Variants in MAPK6 observed in about 807,000 individuals in gnomAD.
The protein encoded by MAPK6 is ERK-3.
In MAPK6, 19 loss-of-function variants were observed where a neutral mutation model predicts 59.3. The ratio of observed to expected loss-of-function variants is 0.32; its 90% CI spans 0.22 to 0.47. MAPK6 has a LOEUF of 0.47. MAPK6 is among the 20% of genes least tolerant of loss of function. The pLI, the probability that MAPK6 is intolerant of heterozygous loss-of-function variation, is 1.00. For missense variants in MAPK6, 724 were observed against 847.9 expected, an observed-to-expected ratio of 0.85 and a Z score of 1.81; for synonymous variants, 316 against 290.3, an observed-to-expected ratio of 1.09 and a Z score of -0.90.
intron 3 of MAPK6, among the ~76,000 whole-genome samples, chr15:52,055,659 G>A (rs917720994): frequency 2.6e-5 from 4 of 152,046 alleles, no homozygotes; most frequent in Non-Finnish European, 4.4e-5. Context: ...GGGACTATAG[G>A]TGCATGCCTC....
At position 52,046,418 on chromosome 15, in the gene MAPK6, C is replaced by T. The variant is rs373321122; in HGVS notation, c.-43C>T. 3.5e-5 allele frequency: 50 copies of T among 1,437,280 alleles called. No individual in the cohort carries two copies. The African/African-American group carries it at 5.6e-4, about 16-fold the overall frequency. 89.0% of individuals were successfully genotyped at this position (1,437,280 alleles called of 1,614,324 possible). A position where few individuals can be genotyped will look rare whatever the true frequency, so the allele number is the denominator to read the frequency against. Reference sequence around the variant, plus strand: ...ATGCCAGTTTTCTTCCTTGTTTACACAAGTTCAATTTGAAAGGAAAAGGCA... The same window carrying T: ...ATGCCAGTTTTCTTCCTTGTTTACATAAGTTCAATTTGAAAGGAAAAGGCA... On this transcript the variant is annotated 5_prime_UTR_variant, in exon 2 of 6. Transcript: ENST00000261845.
At chr15:52,033,984 C>G (rs917703524) in intron 1 of MAPK6, 2 of 151,304 alleles carry the variant, frequency 1.3e-5, no homozygotes, top group Non-Finnish European at 2.9e-5. Flanking sequence ...TTCTTTTTTT[C>G]CTGGTTGCTT....
At chr15:52,039,338 C>T (rs749974606) in intron 1 of MAPK6, among the ~76,000 whole-genome samples, 3 of 152,072 alleles carry the variant, frequency 2.0e-5, no homozygotes, top group Non-Finnish European at 4.4e-5. Flanking sequence ...GTCATCCATA[C>T]TGGAAAATAA....
intron 1 of MAPK6, among the ~76,000 whole-genome samples, chr15:52,027,002 A>C (rs1305641153): frequency 6.6e-6 from 1 of 150,570 alleles, no homozygotes; most frequent in Non-Finnish European, 1.5e-5. Context: ...GTGAGCCGAG[A>C]TCACACCATT....
chr15:51,995,241 G>A (rs778280404), intron 2 of MAPK6, among the ~76,000 whole-genome samples: 2 of 152,124 alleles, frequency 1.3e-5, no homozygotes, highest in East Asian at 1.9e-4. Flanking sequence ...GAGCTACAGC[G>A]ACCCTTGGGC....
At chr15:51,994,468 A>G (rs1013468467) in intron 2 of MAPK6, among the ~76,000 whole-genome samples, 1 of 152,170 alleles carries the variant, frequency 6.6e-6, no homozygotes, top group Non-Finnish European at 1.5e-5. Context: ...CTGAGGTTTC[A>G]TCATGATTAT....
intron 1 of MAPK6, among the ~76,000 whole-genome samples, chr15:51,981,908 C>T (rs369307918): frequency 6.0e-5 from 9 of 150,926 alleles, no homozygotes; most frequent in East Asian, 3.9e-4. Flanking sequence ...AAAGAAAGGA[C>T]GGAAAAAAAT....
intron 1 of MAPK6, among the ~76,000 whole-genome samples, chr15:52,040,383 G>T (rs570257670): frequency 5.9e-5 from 9 of 152,334 alleles, no homozygotes; most frequent in Non-Finnish European, 7.3e-5. Flanking sequence ...GTGGAGAGGG[G>T]ATGGGGGAAG....
intron 1 of MAPK6, 98 bp downstream of exon 1, chr15:52,019,474 G>C (rs2030411498): frequency 6.8e-6 from 1 of 147,594 alleles, no homozygotes; most frequent in East Asian, 2.0e-4. Flanking sequence ...GGCGACGGCG[G>C]AGCCGGCTCC....
At position 52,061,451 on chromosome 15, in the gene MAPK6, G is replaced by A. The variant is rs1225886999; in HGVS notation, c.1018G>A (p.Asp340Asn). ...HPFHIEDEVD[D>N]ILLMDETHSH... Reference sequence around the variant, plus strand: ...TTTTCATATTGAAGATGAAGTTGATGATATTTTGCTTATGGATGAAACTCA... The same window carrying A: ...TTTTCATATTGAAGATGAAGTTGATAATATTTTGCTTATGGATGAAACTCA... Residue 340 changes from aspartate (D) to asparagine (N), a missense_variant, in exon 5 of 6, where the codon GAT (aspartate) becomes AAT (asparagine). Around this residue, in one of 4 missense-constraint regions of MAPK6, gnomAD observed 502 missense variants for 507.6 expected, o/e 0.99. Coordinates refer to ENST00000261845, the MANE Select transcript of MAPK6 (RefSeq NM_002748.4). 6.2e-7 allele frequency: 1 copy of A among 1,613,772 alleles called. No individual in the cohort carries two copies. Among genetic ancestry groups the A allele is most frequent in the Non-Finnish European group, 8.5e-7 (1 of 1,179,802 alleles).
At position 52,046,904 on chromosome 15, in the gene MAPK6, A is replaced by G; in HGVS notation, c.444A>G (p.Val148=). The G allele has an allele frequency of 1.2e-6, 2 of 1,614,012 alleles. No individual in the cohort carries two copies. The highest frequency in any genetic ancestry group is 1.7e-6 in the Non-Finnish European group (2 of 1,179,986). ...TCAAGTATATTCACTCTGCAAATGT[A>G]CTGCACAGAGATCTCAAACCAGCTA... ...RGLKYIHSAN[V]LHRDLKPANL... The change falls in exon 2 of 6, where the codon GTA becomes GTG. Residue 148 remains valine (V), a synonymous_variant. Transcript: ENST00000261845.
chr15:52,040,556 A>G (rs879474425), intron 1 of MAPK6, among the ~76,000 whole-genome samples: 35 of 152,360 alleles, frequency 2.3e-4, no homozygotes, highest in Admixed American at 1.8e-3. Flanking sequence ...CCTTTTTGAC[A>G]TAAGTAGGCC....
At position 52,066,898 on chromosome 15, in the gene MAPK6, A is replaced by G. The variant is rs533287224; in HGVS notation, c.*1898A>G. On this transcript the variant is annotated 3_prime_UTR_variant, in exon 6 of 6. Transcript: ENST00000261845. ...CAAGCTCTGAAGTGCAGTCATGAGAATTGATTTGTGGGGAAAAAAAAAATG... is the reference window on the plus strand; with the variant it reads ...CAAGCTCTGAAGTGCAGTCATGAGAGTTGATTTGTGGGGAAAAAAAAAATG... 4.6e-5 allele frequency: 7 copies of G among 152,142 alleles called. No individual in the cohort carries two copies. The highest frequency in any genetic ancestry group is 1.7e-4 in the African/African-American group (7 of 41,516). The allele number at this position is 152,142 out of a possible 1,614,324, so 9.4% of individuals were successfully genotyped here.
At chr15:52,016,070 G>GCGTGCGCACACA, upstream of MAPK6, among the ~76,000 whole-genome samples, 1 of 55,392 alleles carries the variant, frequency 1.8e-5, no homozygotes. Flanking sequence ...GCGCGCGCGC[G>GCGTGCGCACACA]CACACACACA....
At chr15:51,986,119 C>T (rs2057190467) in intron 2 of MAPK6, among the ~76,000 whole-genome samples, 1 of 152,204 alleles carries the variant, frequency 6.6e-6, no homozygotes, top group Admixed American at 6.5e-5. Flanking sequence ...GCTGGGAGGC[C>T]TCAGGAAACT....
At chr15:52,039,553 T>C (rs925507142) in intron 1 of MAPK6, among the ~76,000 whole-genome samples, 2 of 149,284 alleles carry the variant, frequency 1.3e-5, no homozygotes, top group African/African-American at 5.0e-5. Context: ...TCTCACTCTG[T>C]TGCCCAAGCT....
intron 1 of MAPK6, among the ~76,000 whole-genome samples, chr15:52,026,738 AAAT>A (rs1284890588): frequency 6.6e-6 from 1 of 152,090 alleles, no homozygotes; most frequent in African/African-American, 2.4e-5. Context: ...GAGATGAGAG[AAAT>A]AATTTGTCAT....
intron 3 of MAPK6, among the ~76,000 whole-genome samples, chr15:52,005,065 C>T (rs1400883166): frequency 7.2e-5 from 11 of 152,130 alleles, no homozygotes; most frequent in Admixed American, 1.3e-4. Flanking sequence ...AGCATGTGAA[C>T]GCTACACTTT....
intron 1 of MAPK6, among the ~76,000 whole-genome samples, chr15:52,034,642 T>A (rs1190921900): frequency 6.6e-6 from 1 of 152,100 alleles, no homozygotes; most frequent in Non-Finnish European, 1.5e-5. Context: ...TTCACTTTTC[T>A]TCACTTTTCT....
Sources: gnomAD v4.1 joint callset for allele counts (sites outside exome capture counted in the v4.1 genomes callset) on GRCh38, gnomAD v4.1.1 for gene constraint, gnomAD v4.1.1 regional missense constraint, MANE v1.5 for transcripts, NCBI Gene and HGNC (gene_info 2026-07-23, HGNC 2026-07-21) for gene names.